The following STRN3 variants were observed in gnomAD, a reference collection of about 807,000 sequenced individuals.
The protein encoded by STRN3 is striatin-3.
A neutral mutation model predicts 95.6 loss-of-function variants in STRN3; 29 were observed. The observed-to-expected ratio is 0.30, with a 90% CI of 0.23 to 0.41. The LOEUF (loss-of-function observed/expected upper bound fraction) is 0.41. Among genes scored for constraint, STRN3 ranks in the 10% least tolerant of loss-of-function variants. STRN3 has a pLI of 1.00. For missense variants in STRN3, 890 were observed against 972.1 expected (o/e 0.92, Z 1.12); for synonymous variants, 331 against 357.6 (o/e 0.93, Z 0.84).
intron 7 of STRN3, among the ~76,000 whole-genome samples, chr14:30,934,525 T>C (rs1317234746): frequency 6.6e-6 from 1 of 152,170 alleles, no homozygotes; most frequent in African/African-American, 2.4e-5. Context: ...TTTTTAACCA[T>C]GTACAGATAG....
rs767403504 is a variant in STRN3, at chr14:30,919,104, C to A, written c.1102G>T (p.Ala368Ser). 5 of 1,600,450 alleles carry A rather than the reference C, an allele frequency of 3.1e-6. No homozygotes were observed. Among genetic ancestry groups the A allele is most frequent in the Non-Finnish European group, 4.3e-6 (5 of 1,172,328 alleles). The change falls in exon 9 of 18, where the codon GCC (alanine) becomes TCC (serine). Residue 368 changes from alanine to serine, a missense_variant and splice_region_variant. Around this residue, in one of 3 missense-constraint regions of STRN3, gnomAD observed 526 missense variants for 526.3 expected, o/e 1.00. Coordinates refer to ENST00000357479, the MANE Select transcript of STRN3 (RefSeq NM_001083893.2). ...ERKGKKGVKR[A>S]NRTKLYDMIA... is the part of the protein sequence containing the mutation. ...ATGTCGTAGAGTTTTGTCCTGTTGG[C>A]CCCTGTAAATTAATGTCAGCAGTAG...
Position 30,902,576 on chromosome 14 carries a change from A to G in STRN3, c.2097T>C (p.Ala699=). 1 of 1,609,152 alleles carries G rather than the reference A, an allele frequency of 6.2e-7. No individual in the cohort carries two copies. The highest frequency in any genetic ancestry group is 8.5e-7 in the Non-Finnish European group (1 of 1,178,330). The part of the protein sequence containing the change: ...SHPTLPVTIT[A]HEDRHIKFFD... ...AAAATTTGATGTGTCTATCTTCATG[A>G]GCAGTTATTGTAACAGGAAGTGTGG... Residue 699 remains alanine (A), a synonymous_variant, in exon 16 of 18, where the codon GCT becomes GCC. Transcript: ENST00000357479.
intron 3 of STRN3, among the ~76,000 whole-genome samples, chr14:30,952,234 T>A (rs1369196393): frequency 6.6e-6 from 1 of 152,150 alleles, no homozygotes; most frequent in Non-Finnish European, 1.5e-5. Flanking sequence ...TACTTCCCCG[T>A]AAGTTCCCAT....
chr14:30,934,873 T>C (rs1037436810), intron 7 of STRN3, among the ~76,000 whole-genome samples: 10 of 152,132 alleles, frequency 6.6e-5, no homozygotes, highest in Non-Finnish European at 1.5e-4. Flanking sequence ...TTTTAAAAAT[T>C]GACTAAAGGG....
intron 1 of STRN3, among the ~76,000 whole-genome samples, chr14:30,997,547 G>A (rs1882260096): frequency 6.6e-6 from 1 of 152,152 alleles, no homozygotes; most frequent in African/African-American, 2.4e-5. Context: ...AAAGGCTCTG[G>A]CTTAAACCTT....
At chr14:30,951,182 T>G (rs1237057436) in intron 3 of STRN3, among the ~76,000 whole-genome samples, 1 of 152,184 alleles carries the variant, frequency 6.6e-6, no homozygotes, top group Non-Finnish European at 1.5e-5. Flanking sequence ...CCAAGTGTAC[T>G]TTATTAGTAT....
intron 16 of STRN3, among the ~76,000 whole-genome samples, chr14:30,902,171 C>CAAAAAAAA (rs71112350): frequency 5.3e-4 from 21 of 39,848 alleles, no homozygotes; most frequent in Non-Finnish European, 6.4e-4. Context: ...AACTCCGCCT[C>CAAAAAAAA]AAAAAAAAAA....
At position 30,895,221 on chromosome 14, in the gene STRN3, A is replaced by G; in HGVS notation, c.*190T>C. ...GGAGTCCTTTTTTCTTTGTCCCACA[A>G]AATACAGTAATTACAGTTAACTTAA... On this transcript the variant is annotated 3_prime_UTR_variant, in exon 18 of 18. Transcript: ENST00000357479. The G allele has an allele frequency of 1.6e-6, 1 of 621,302 alleles. No homozygotes were observed. Among genetic ancestry groups the G allele is most frequent in the Non-Finnish European group, 2.6e-6 (1 of 377,908 alleles). The allele number at this position is 621,302 out of a possible 1,614,324, so 38.5% of individuals were successfully genotyped here. A position where few individuals can be genotyped will look rare whatever the true frequency, so the allele number is the denominator to read the frequency against.
At chr14:31,014,915 C>T (rs1170023916) in intron 1 of STRN3, among the ~76,000 whole-genome samples, 2 of 152,022 alleles carry the variant, frequency 1.3e-5, no homozygotes, top group Non-Finnish European at 2.9e-5. Context: ...ACAACCTACA[C>T]CTCCCAGGTT....
intron 1 of STRN3, among the ~76,000 whole-genome samples, chr14:31,009,021 A>C (rs1254178310): frequency 4.6e-5 from 7 of 152,158 alleles, no homozygotes; most frequent in Non-Finnish European, 8.8e-5. Context: ...CCTGGGAAAC[A>C]GAAAGAGACC....
intron 1 of STRN3, among the ~76,000 whole-genome samples, chr14:30,978,506 T>C (rs987459114): frequency 1.3e-5 from 2 of 152,148 alleles, no homozygotes; most frequent in Non-Finnish European, 2.9e-5. Flanking sequence ...CAGCTAAATA[T>C]CATATTTAAT....
chr14:31,005,638 A>G (rs927397182), intron 1 of STRN3, among the ~76,000 whole-genome samples: 2 of 152,228 alleles, frequency 1.3e-5, no homozygotes, highest in Non-Finnish European at 2.9e-5. Context: ...AAGATTCACT[A>G]ACAGATGACT....
chr14:30,974,824 C>T (rs1256311361), intron 1 of STRN3, among the ~76,000 whole-genome samples: 2 of 151,272 alleles, frequency 1.3e-5, no homozygotes, highest in Non-Finnish European at 3.0e-5. Context: ...AATAAACAAA[C>T]AAACAGAAGG....
Position 30,947,105 on chromosome 14 carries a change from C to T in STRN3, c.701G>A (p.Gly234Glu). Residue 234 changes from glycine (G) to glutamate (E), a missense_variant, in exon 5 of 18, where the codon GGA becomes GAA. Coordinates refer to ENST00000357479, the MANE Select transcript of STRN3 (RefSeq NM_001083893.2). ...TAAATCATACCTTTTTATTTCTTGTCCCTTTTGCTTAGGAGATTCACCTCC... is the reference window on the plus strand; with the variant it reads ...TAAATCATACCTTTTTATTTCTTGTTCCTTTTGCTTAGGAGATTCACCTCC... The part of the protein sequence containing the change: ...LNGGESPKQK[G>E]QEIKRSSGDV... 6.3e-7 allele frequency: 1 copy of T among 1,595,160 alleles called. No individual in the cohort carries two copies. The highest frequency in any genetic ancestry group is 2.2e-5 in the East Asian group (1 of 44,572).
intron 1 of STRN3, among the ~76,000 whole-genome samples, chr14:30,969,145 G>T (rs1193302232): frequency 6.6e-6 from 1 of 152,088 alleles, no homozygotes; most frequent in African/African-American, 2.4e-5. Flanking sequence ...AGGTTAAAAA[G>T]AGTCTATAAG....
intron 1 of STRN3, among the ~76,000 whole-genome samples, chr14:30,965,718 G>A (rs912854046): frequency 3.0e-5 from 4 of 133,236 alleles, no homozygotes; most frequent in African/African-American, 1.2e-4. Flanking sequence ...GGAATCTGAG[G>A]AACGAGAATC....
At chr14:30,998,898 T>C (rs1355062185) in intron 1 of STRN3, among the ~76,000 whole-genome samples, 3 of 152,090 alleles carry the variant, frequency 2.0e-5, no homozygotes, top group Non-Finnish European at 4.4e-5. Flanking sequence ...TCAAGCCCAG[T>C]AGTTCAAATC....
intron 1 of STRN3, among the ~76,000 whole-genome samples, chr14:30,997,126 G>A (rs935494542): frequency 3.3e-5 from 5 of 152,128 alleles, no homozygotes; most frequent in African/African-American, 7.2e-5. Context: ...GGACCTAATC[G>A]TAACAGCAGC....
chr14:31,014,991 C>T (rs1883173567), intron 1 of STRN3, among the ~76,000 whole-genome samples: 1 of 152,022 alleles, frequency 6.6e-6, no homozygotes, highest in Non-Finnish European at 1.5e-5. Context: ...CCATGCCCGG[C>T]TAATTTTTGT....
Sources: allele counts gnomAD v4.1 joint callset (sites outside exome capture counted in the v4.1 genomes callset), GRCh38; gene constraint gnomAD v4.1.1; regional missense constraint gnomAD v4.1.1; transcripts MANE v1.5; gene names NCBI Gene and HGNC (gene_info 2026-07-23, HGNC 2026-07-21).